Variants in STPG2 observed in about 807,000 individuals in gnomAD.
STPG2 encodes the protein sperm-tail PG-rich repeat-containing protein 2.
A neutral mutation model predicts 54.2 loss-of-function variants in STPG2; 56 were observed. That is an observed-to-expected ratio of 1.03 (90% CI 0.83 to 1.29). The LOEUF (loss-of-function observed/expected upper bound fraction) is 1.29, where lower values mean the gene tolerates loss of function less well. STPG2 is among the 50% of genes most tolerant of loss of function. The pLI, the probability that STPG2 is intolerant of heterozygous loss-of-function variation, is 0.00. For missense variants in STPG2, 596 were observed against 544.9 expected (o/e 1.09, Z -0.93); for synonymous variants, 200 against 181.8 (o/e 1.10, Z -0.81).
At chr4:97,968,519 T>A (rs1343082336) in intron 7 of STPG2, among the ~76,000 whole-genome samples, 1 of 151,834 alleles carries the variant, frequency 6.6e-6, no homozygotes, top group Non-Finnish European at 1.5e-5. Context: ...CTGATGAACA[T>A]CAATGTAAAA....
chr4:97,805,612 G>A (rs1727535233), intron 9 of STPG2, among the ~76,000 whole-genome samples: 1 of 152,136 alleles, frequency 6.6e-6, no homozygotes, highest in South Asian at 2.1e-4. Flanking sequence ...TAAGAATGGG[G>A]TTATTCCTTT....
At chr4:97,856,962 A>C (rs939795148) in intron 8 of STPG2, among the ~76,000 whole-genome samples, 5 of 152,188 alleles carry the variant, frequency 3.3e-5, no homozygotes, top group Non-Finnish European at 7.3e-5. Flanking sequence ...AATCACATTT[A>C]TTGATTTGTG....
chr4:98,013,558 T>C (rs961676484), intron 5 of STPG2, among the ~76,000 whole-genome samples: 3 of 149,426 alleles, frequency 2.0e-5, no homozygotes, highest in African/African-American at 7.4e-5. Flanking sequence ...AGAATTCGGC[T>C]GTGAATCCAT....
chr4:97,653,842 T>C (rs1485214745), intron 10 of STPG2, among the ~76,000 whole-genome samples: 1 of 151,990 alleles, frequency 6.6e-6, no homozygotes, highest in Admixed American at 6.6e-5. Flanking sequence ...GAAAGTGAGA[T>C]AGTGAAGGGA....
At chr4:98,041,760 T>C (rs781401644) in intron 5 of STPG2, among the ~76,000 whole-genome samples, 12 of 152,132 alleles carry the variant, frequency 7.9e-5, no homozygotes, top group Middle Eastern at 3.4e-3. Context: ...GATTTTTGCA[T>C]CTGTGTTCAT....
At chr4:97,494,382 T>C (rs951420769) in intron 4 of STPG2, among the ~76,000 whole-genome samples, 4 of 151,480 alleles carry the variant, frequency 2.6e-5, no homozygotes, top group East Asian at 2.0e-4. Context: ...GGGAGCAGAA[T>C]TGCCCTAATC....
intron 9 of STPG2, among the ~76,000 whole-genome samples, chr4:97,741,772 T>G (rs1464130637): frequency 6.6e-6 from 1 of 151,896 alleles, no homozygotes; most frequent in Non-Finnish European, 1.5e-5. Context: ...GGTGGGACTG[T>G]AAACTAGTTC....
rs1394665421 is a variant in STPG2 at position 97,840,920 on chromosome 4, G to C, written c.1057C>G (p.Pro353Ala). Residue 353 changes from proline (P) to alanine (A), a missense_variant, in exon 9 of 11, where the codon CCA becomes GCA. Physicochemically the swap from Pro to Ala is conservative, Grantham distance 27 (BLOSUM62 -1). Coordinates refer to ENST00000295268, the MANE Select transcript of STPG2 (RefSeq NM_174952.3). ...GATTTGTGAACATCATAGCTGCCTG[G>C]CGCTGGAATAACCTGAAAAAAAATT... ...MKVPDMVIPA[P>A]GSYDVHKSYE... 1 of 1,610,452 alleles carries C rather than the reference G, an allele frequency of 6.2e-7. No individual in the cohort carries two copies. Among genetic ancestry groups the C allele is most frequent in the Non-Finnish European group, 8.5e-7 (1 of 1,178,050 alleles).
chr4:97,641,929 G>T (rs1721778087), intron 10 of STPG2, among the ~76,000 whole-genome samples: 1 of 151,390 alleles, frequency 6.6e-6, no homozygotes, highest in African/African-American at 2.4e-5. Context: ...AAGCATAGTT[G>T]TTTTTGATCA....
At chr4:97,534,671 A>C (rs2148855828) in intron 4 of STPG2, among the ~76,000 whole-genome samples, 1 of 152,290 alleles carries the variant, frequency 6.6e-6, no homozygotes, top group South Asian at 2.1e-4. Flanking sequence ...CTTTATACAT[A>C]ATTCTATGAA....
chr4:97,554,263 T>C (rs1450326837), downstream of STPG2, among the ~76,000 whole-genome samples: 1 of 152,138 alleles, frequency 6.6e-6, no homozygotes, highest in African/African-American at 2.4e-5. Context: ...CATCTACCAG[T>C]ACAAATCATC....
chr4:98,083,548 C>G (rs1738414211), intron 5 of STPG2, among the ~76,000 whole-genome samples: 1 of 152,098 alleles, frequency 6.6e-6, no homozygotes, highest in East Asian at 1.9e-4. Flanking sequence ...TTATCCAACC[C>G]AAATTTCCAT....
chr4:97,927,953 TAAATG>T (rs1446036648), intron 8 of STPG2, among the ~76,000 whole-genome samples: 5 of 152,140 alleles, frequency 3.3e-5, no homozygotes, highest in Non-Finnish European at 7.4e-5. Context: ...TTTAATTCAT[TAAATG>T]AAAGTGAAAT....
intron 5 of STPG2, among the ~76,000 whole-genome samples, chr4:98,084,545 G>C (rs1183662561): frequency 6.6e-6 from 1 of 152,160 alleles, no homozygotes; most frequent in Admixed American, 6.5e-5. Context: ...AATTTTTCCA[G>C]AGTGAGTTTA....
intron 9 of STPG2, among the ~76,000 whole-genome samples, chr4:97,713,582 G>C (rs941222597): frequency 6.6e-6 from 1 of 152,208 alleles, no homozygotes; most frequent in Non-Finnish European, 1.5e-5. Context: ...CTCATGAAGA[G>C]TGTACAACCA....
At chr4:98,074,775 G>T (rs549079709) in intron 5 of STPG2, among the ~76,000 whole-genome samples, 1 of 152,248 alleles carries the variant, frequency 6.6e-6, no homozygotes, top group African/African-American at 2.4e-5. Flanking sequence ...ACTAAAATCT[G>T]TTTGATGTTT....
intron 10 of STPG2, among the ~76,000 whole-genome samples, chr4:97,684,504 A>C (rs1230132099): frequency 1.3e-5 from 2 of 151,980 alleles, no homozygotes; most frequent in East Asian, 3.8e-4. Flanking sequence ...TCAACAAAGA[A>C]AAATGGTTCC....
intron 9 of STPG2, among the ~76,000 whole-genome samples, chr4:97,777,304 T>C (rs1445125355): frequency 6.6e-6 from 1 of 151,552 alleles, no homozygotes; most frequent in Non-Finnish European, 1.5e-5. Context: ...CTGTCGATTT[T>C]TAGCCAATAT....
chr4:97,821,003 G>C (rs897475652), intron 9 of STPG2, among the ~76,000 whole-genome samples: 9 of 152,054 alleles, frequency 5.9e-5, no homozygotes, highest in African/African-American at 2.2e-4. Flanking sequence ...TTACAATCAT[G>C]CTTTCCAATA....
Sources: gnomAD v4.1 joint callset for allele counts (sites outside exome capture counted in the v4.1 genomes callset) on GRCh38, gnomAD v4.1.1 for gene constraint, MANE v1.5 for transcripts, NCBI Gene and HGNC (gene_info 2026-07-23, HGNC 2026-07-21) for gene names.